The following RCAN3 variants were observed in gnomAD, a reference collection of about 807,000 sequenced individuals.
RCAN3 encodes the protein regulator of calcineurin 3.
RCAN3 carries 19 observed loss-of-function variants against 21.9 expected under a neutral mutation model. The observed-to-expected ratio is 0.87, with a 90% CI of 0.61 to 1.27. The LOEUF (loss-of-function observed/expected upper bound fraction) is 1.27, where lower values mean the gene tolerates loss of function less well. Ranked by LOEUF, RCAN3 falls within the 50% of genes most tolerant of loss-of-function variation. RCAN3 has a pLI of 0.00. For missense variants in RCAN3, 240 were observed against 300.1 expected, an observed-to-expected ratio of 0.80 and a Z score of 1.48; for synonymous variants, 114 against 112.3, an observed-to-expected ratio of 1.01 and a Z score of -0.09.
chr1:24,524,868 TC>T (rs1159314605), intron 2 of RCAN3, among the ~76,000 whole-genome samples: 1 of 150,048 alleles, frequency 6.7e-6, no homozygotes, highest in Non-Finnish European at 1.5e-5. Context: ...CTCGCTCTGT[TC>T]CCCAGGCTGG....
chr1:24,514,622 T>C, intron 2 of RCAN3, 55 bp downstream of exon 2: 2 of 1,535,924 alleles, frequency 1.3e-6, no homozygotes, highest in Non-Finnish European at 1.8e-6. Context: ...TGTGTATGGA[T>C]TTGGGGAAAC....
chr1:24,514,595 A>T, intron 2 of RCAN3, 28 bp downstream of exon 2: 3 of 1,596,586 alleles, frequency 1.9e-6, no homozygotes, highest in Non-Finnish European at 2.6e-6. Context: ...CTTTCCCTAC[A>T]TTTGTAGCAT....
chr1:24,530,062 T>A (rs886089536), intron 2 of RCAN3, among the ~76,000 whole-genome samples: 12 of 148,006 alleles, frequency 8.1e-5, no homozygotes, highest in Middle Eastern at 3.6e-3. Context: ...TACTTAGAAA[T>A]GGATGTCTTG....
At chr1:24,529,318 CA>C (rs1221562087) in intron 2 of RCAN3, among the ~76,000 whole-genome samples, 1 of 150,898 alleles carries the variant, frequency 6.6e-6, no homozygotes, top group African/African-American at 2.4e-5. Context: ...TTTGGGAGGG[CA>C]AGGTAGGAAG....
chr1:24,536,495 C>T lies in RCAN3; in HGVS notation c.*1218C>T, dbSNP rs1394588872. The T allele has an allele frequency of 1.3e-5, 2 of 152,212 alleles. No individual in the cohort carries two copies. Among genetic ancestry groups the T allele is most frequent in the Non-Finnish European group, 2.9e-5 (2 of 68,050 alleles). The allele number at this position is 152,212 out of a possible 1,614,324, so 9.4% of individuals were successfully genotyped here. A position where few individuals can be genotyped will look rare whatever the true frequency, so the allele number is the denominator to read the frequency against. On this transcript the variant is annotated 3_prime_UTR_variant, in exon 5 of 5. Transcript: ENST00000374395. ...GAAGCAGCAGGATCTTTTTAACTCTCTCTGGTCTGTTTAGACTTTGAAGTC... is the reference window on the plus strand; with the variant it reads ...GAAGCAGCAGGATCTTTTTAACTCTTTCTGGTCTGTTTAGACTTTGAAGTC...
chr1:24,518,823 G>C (rs898776592), intron 2 of RCAN3, among the ~76,000 whole-genome samples: 2 of 151,870 alleles, frequency 1.3e-5, no homozygotes, highest in African/African-American at 2.4e-5. Flanking sequence ...ACCCAGGCTG[G>C]AGTGCAGTGG....
At position 24,540,751 on chromosome 1, in the gene RCAN3, A is replaced by G. The variant is rs572693159; in HGVS notation, c.*5474A>G. 1 of 152,320 alleles carries G rather than the reference A, an allele frequency of 6.6e-6. No homozygotes were observed. The highest frequency in any genetic ancestry group is 2.1e-4 in the South Asian group (1 of 4,824). 9.4% of individuals were successfully genotyped at this position (152,320 alleles called of 1,614,324 possible). A position where few individuals can be genotyped will look rare whatever the true frequency, so the allele number is the denominator to read the frequency against. ...CTTCTGTTATATTTTGGGGCATGTT[A>G]CCTTTATGGTATATAAGCTGTAGTG... On this transcript the variant is annotated 3_prime_UTR_variant, in exon 5 of 5. Coordinates refer to ENST00000374395, the MANE Select transcript of RCAN3 (RefSeq NM_013441.4).
intron 3 of RCAN3, among the ~76,000 whole-genome samples, chr1:24,532,173 G>T (rs1221591943): frequency 1.3e-5 from 2 of 151,970 alleles, no homozygotes; most frequent in Non-Finnish European, 2.9e-5. Context: ...TTGGAATTTA[G>T]TAGTTGCTGT....
In RCAN3 at chr1:24,535,288, TGTG is replaced by T. The variant is rs760591245; in HGVS notation, c.*15_*17del. ...GATTGCGCGCTGTGAGGCCCTTGGT[TGTG>T]GTGCGAGGCGGCTGCCCTGGTGGGC... On this transcript the variant is annotated 3_prime_UTR_variant, in exon 5 of 5. Coordinates refer to ENST00000374395, the MANE Select transcript of RCAN3 (RefSeq NM_013441.4). The T allele has an allele frequency of 5.9e-6, 9 of 1,523,788 alleles. No homozygotes were observed. The East Asian group carries it at 2.1e-4, about 36-fold the overall frequency. 94.4% of individuals were successfully genotyped at this position (1,523,788 alleles called of 1,614,324 possible). A position where few individuals can be genotyped will look rare whatever the true frequency, so the allele number is the denominator to read the frequency against.
chr1:24,503,978 A>G (rs982808305), intron 1 of RCAN3, among the ~76,000 whole-genome samples: 5 of 152,236 alleles, frequency 3.3e-5, no homozygotes, highest in African/African-American at 9.6e-5. Context: ...GCTTTGGTTC[A>G]ATATCTTAAA....
intron 2 of RCAN3, among the ~76,000 whole-genome samples, chr1:24,519,620 G>C (rs1231467428): frequency 6.6e-6 from 1 of 152,104 alleles, no homozygotes; most frequent in Non-Finnish European, 1.5e-5. Context: ...CATTTGATTT[G>C]TGTTTCTGAT....
At chr1:24,526,289 G>A (rs1259570153) in intron 2 of RCAN3, among the ~76,000 whole-genome samples, 1 of 152,046 alleles carries the variant, frequency 6.6e-6, no homozygotes, top group African/African-American at 2.4e-5. Flanking sequence ...ATGGGGTCTT[G>A]CAGTGTTGTC....
At chr1:24,529,358 G>C (rs1396593682) in intron 2 of RCAN3, among the ~76,000 whole-genome samples, 1 of 151,312 alleles carries the variant, frequency 6.6e-6, no homozygotes, top group Non-Finnish European at 1.5e-5. Context: ...TTTGAGACCA[G>C]CCTGCGCAAC....
Position 24,540,768 on chromosome 1 carries a change from G to A in RCAN3, c.*5491G>A, listed in dbSNP as rs1483160235. ...GGCATGTTACCTTTATGGTATATAA[G>A]CTGTAGTGCATACTCTTTGTATTGC... is the stretch of plus-strand genomic sequence containing the variant. On this transcript the variant is annotated 3_prime_UTR_variant, in exon 5 of 5. Coordinates refer to ENST00000374395, the MANE Select transcript of RCAN3 (RefSeq NM_013441.4). The A allele has an allele frequency of 2.0e-5, 3 of 152,112 alleles. No homozygotes were observed. The highest frequency in any genetic ancestry group is 2.9e-5 in the Non-Finnish European group (2 of 68,032). The allele number at this position is 152,112 out of a possible 1,614,324, so 9.4% of individuals were successfully genotyped here. A position where few individuals can be genotyped will look rare whatever the true frequency, so the allele number is the denominator to read the frequency against.
intron 2 of RCAN3, among the ~76,000 whole-genome samples, chr1:24,515,629 C>G (rs1450180109): frequency 6.6e-6 from 1 of 152,138 alleles, no homozygotes; most frequent in Non-Finnish European, 1.5e-5. Flanking sequence ...CAAAATATTT[C>G]CCTTCCGATG....
intron 2 of RCAN3, among the ~76,000 whole-genome samples, chr1:24,516,552 A>AC (rs1648335734): frequency 6.6e-6 from 1 of 152,172 alleles, no homozygotes; most frequent in African/African-American, 2.4e-5. Context: ...CACATAGCTG[A>AC]TATTTGGCCA....
At chr1:24,508,266 G>A (rs963085139) in intron 1 of RCAN3, among the ~76,000 whole-genome samples, 3 of 152,214 alleles carry the variant, frequency 2.0e-5, no homozygotes, top group South Asian at 2.1e-4. Flanking sequence ...CAGGCTCTTG[G>A]GGACATGGTA....
chr1:24,538,545 C>T lies in RCAN3; in HGVS notation c.*3268C>T, dbSNP rs1233150437. 1 of 150,482 alleles carries T rather than the reference C, an allele frequency of 6.6e-6. No individual in the cohort carries two copies. The highest frequency in any genetic ancestry group is 1.5e-5 in the Non-Finnish European group (1 of 67,660). The allele number at this position is 150,482 out of a possible 1,614,324, so 9.3% of individuals were successfully genotyped here. On this transcript the variant is annotated 3_prime_UTR_variant, in exon 5 of 5. Transcript: ENST00000374395. ...TCAGCCTCCCAAGTAGCTGGGACTA[C>T]AGGCGCCCGCTCCCACGCCCGGCTA...
intron 2 of RCAN3, among the ~76,000 whole-genome samples, chr1:24,530,777 C>G (rs1219883209): frequency 6.6e-6 from 1 of 152,112 alleles, no homozygotes; most frequent in Non-Finnish European, 1.5e-5. Flanking sequence ...TTGGGAGGCC[C>G]AGGTGGACAG....
Sources: gnomAD v4.1 joint callset for allele counts (sites outside exome capture counted in the v4.1 genomes callset) on GRCh38, gnomAD v4.1.1 for gene constraint, MANE v1.5 for transcripts, NCBI Gene and HGNC (gene_info 2026-07-23, HGNC 2026-07-21) for gene names.